Variants in PRKCB observed in about 807,000 individuals in gnomAD.
PRKCB encodes protein kinase C beta, also known as protein kinase C beta type.
PRKCB carries 13 observed loss-of-function variants against 81.5 expected under a neutral mutation model. The observed-to-expected ratio is 0.16, with a 90% CI of 0.10 to 0.25. PRKCB has a LOEUF of 0.25. Ranked by LOEUF, PRKCB falls within the 10% of genes least tolerant of loss-of-function variation. The pLI, the probability that PRKCB is intolerant of heterozygous loss-of-function variation, is 1.00. For synonymous variants in PRKCB, 335 were observed against 321.4 expected, an observed-to-expected ratio of 1.04 and a Z score of -0.45; for missense variants, 509 against 875.7, an observed-to-expected ratio of 0.58 and a Z score of 5.29.
chr16:23,903,233 T>C (rs1182265415), intron 2 of PRKCB, among the ~76,000 whole-genome samples: 2 of 151,416 alleles, frequency 1.3e-5, no homozygotes, highest in Non-Finnish European at 2.9e-5. Context: ...CAGGCTTTTG[T>C]GAGTAGGATC....
At chr16:23,929,839 G>A (rs1381166383) in intron 2 of PRKCB, among the ~76,000 whole-genome samples, 1 of 152,048 alleles carries the variant, frequency 6.6e-6, no homozygotes, top group African/African-American at 2.4e-5. Context: ...TTTCAAAGAG[G>A]AGAGGTTGAG....
intron 3 of PRKCB, among the ~76,000 whole-genome samples, chr16:24,003,788 C>T (rs1965074293): frequency 6.6e-6 from 1 of 152,192 alleles, no homozygotes; most frequent in Admixed American, 6.5e-5. Flanking sequence ...GATCCCATGG[C>T]ATCCCTTTCA....
intron 5 of PRKCB, among the ~76,000 whole-genome samples, chr16:24,077,868 G>A (rs1966200695): frequency 6.6e-6 from 1 of 152,208 alleles, no homozygotes; most frequent in African/African-American, 2.4e-5. Context: ...ATTCAGTGAT[G>A]TAGTTAATGT....
intron 3 of PRKCB, among the ~76,000 whole-genome samples, chr16:24,024,039 A>G (rs904392192): frequency 6.6e-6 from 1 of 152,244 alleles, no homozygotes; most frequent in Admixed American, 6.5e-5. Flanking sequence ...ATTGGAAGGC[A>G]GGATGCCAGA....
chr16:24,082,833 GA>G (rs36030941), intron 5 of PRKCB, among the ~76,000 whole-genome samples: 31,330 of 137,988 alleles, frequency 0.23, 3,265 homozygotes, highest in Middle Eastern at 0.28. Context: ...ACCCATAAAA[GA>G]AAAAAAAAAA....
At chr16:24,182,873 T>TTTGTGTGTGTGTG (rs1555501177) in intron 13 of PRKCB, among the ~76,000 whole-genome samples, 2 of 133,520 alleles carry the variant, frequency 1.5e-5, no homozygotes, top group Admixed American at 1.5e-4. Flanking sequence ...ACATTGTTTC[T>TTTGTGTGTGTGTG]TGTGTGTGTG....
At chr16:24,056,808 C>G (rs1017699563) in intron 5 of PRKCB, among the ~76,000 whole-genome samples, 1 of 152,160 alleles carries the variant, frequency 6.6e-6, no homozygotes, top group Admixed American at 6.5e-5. Context: ...CCTGGACAGC[C>G]TACAGAACCA....
rs928693393 is a variant in PRKCB, at chr16:23,981,712, T to C, written c.206-6796T>C. Among the ~76,000 whole-genome samples, 114 of 50,290 alleles carry C rather than the reference T, an allele frequency of 2.3e-3. No homozygotes were observed. The East Asian group carries it at 0.028, about 12-fold the overall frequency. The allele number at this position is 50,290 out of a possible 152,430, so 33.0% of individuals were successfully genotyped here. ...CCCTTCCCCTTCCCTTCCCCTTCCC[T>C]TTCCCTTCCCCTTCCCTTCCCCTTC... is the stretch of plus-strand genomic sequence containing the variant. On this transcript the variant is annotated intron_variant, in intron 2 of 16. Transcript: ENST00000643927.
At chr16:23,999,947 T>C (rs577362686) in intron 3 of PRKCB, among the ~76,000 whole-genome samples, 17 of 152,300 alleles carry the variant, frequency 1.1e-4, no homozygotes, top group Admixed American at 1.0e-3. Flanking sequence ...GCCTGTGTGA[T>C]TTGGCTCTCG....
At chr16:24,052,171 G>A (rs1965851464) in intron 5 of PRKCB, among the ~76,000 whole-genome samples, 1 of 152,144 alleles carries the variant, frequency 6.6e-6, no homozygotes, top group South Asian at 2.1e-4. Context: ...ATGCCAATGT[G>A]CATTGGAGAG....
At chr16:23,876,423 G>C (rs1341858242) in intron 2 of PRKCB, among the ~76,000 whole-genome samples, 1 of 152,088 alleles carries the variant, frequency 6.6e-6, no homozygotes, top group Admixed American at 6.5e-5. Context: ...AAACTCCAGG[G>C]ATATATTCCA....
chr16:24,111,189 A>G (rs997813809), intron 7 of PRKCB: 1 of 152,176 alleles, frequency 6.6e-6, no homozygotes, highest in Non-Finnish European at 1.5e-5. Context: ...TTTGGAAGAA[A>G]ATTTGGAATA....
intron 5 of PRKCB, among the ~76,000 whole-genome samples, chr16:24,047,580 A>C (rs1024044576): frequency 6.6e-6 from 1 of 151,660 alleles, no homozygotes; most frequent in Non-Finnish European, 1.5e-5. Flanking sequence ...CTAGTCCCTA[A>C]GGCAGTGCAT....
rs564359230 is a variant in PRKCB, at chr16:23,996,215, G to A, written c.288+7625G>A. Among the ~76,000 whole-genome samples the A allele has an allele frequency of 5.9e-5, 9 of 152,218 alleles. 1 individual carries two copies. The South Asian group carries it at 1.0e-3, about 18-fold the overall frequency. ...TGTCCTAGGTGAGTGCTTACCAAAG[G>A]GTGACCTCAGCAGAGGAGGATTTTA... is the stretch of plus-strand genomic sequence containing the variant. On this transcript the variant is annotated intron_variant, in intron 3 of 16. Transcript: ENST00000643927.
At chr16:23,876,334 C>A (rs1963013733) in intron 2 of PRKCB, among the ~76,000 whole-genome samples, 1 of 152,170 alleles carries the variant, frequency 6.6e-6, no homozygotes, top group African/African-American at 2.4e-5. Flanking sequence ...TGTCACTAAT[C>A]CACCAAACTC....
At chr16:23,970,026 A>T (rs1279723455) in intron 2 of PRKCB, among the ~76,000 whole-genome samples, 1 of 152,190 alleles carries the variant, frequency 6.6e-6, no homozygotes, top group Non-Finnish European at 1.5e-5. Flanking sequence ...TCCTTTCTAC[A>T]TCATGTCAAT....
intron 9 of PRKCB, among the ~76,000 whole-genome samples, chr16:24,133,639 G>A (rs536595615): frequency 6.6e-6 from 1 of 152,232 alleles, no homozygotes; most frequent in East Asian, 1.9e-4. Flanking sequence ...TATCGCCAAC[G>A]TTTCTGAGCT....
At chr16:24,049,946 C>T (rs566500741) in intron 5 of PRKCB, among the ~76,000 whole-genome samples, 317 of 152,168 alleles carry the variant, frequency 2.1e-3, no homozygotes, top group Non-Finnish European at 2.3e-3. Context: ...ATGCTGGAGA[C>T]GGGAAGATCT....
intron 9 of PRKCB, among the ~76,000 whole-genome samples, chr16:24,153,214 G>C (rs922192562): frequency 6.6e-6 from 1 of 152,166 alleles, no homozygotes; most frequent in Non-Finnish European, 1.5e-5. Context: ...TGGTCCTCCA[G>C]CTGAGTTGAG....
Sources: allele counts gnomAD v4.1 joint callset (sites outside exome capture counted in the v4.1 genomes callset), GRCh38; gene constraint gnomAD v4.1.1; transcripts MANE v1.5; gene names NCBI Gene and HGNC (gene_info 2026-07-23, HGNC 2026-07-21).